Variants in FDPS observed in about 807,000 individuals in gnomAD.
FDPS encodes farnesyl diphosphate synthase.
A neutral mutation model predicts 49.5 loss-of-function variants in FDPS; 29 were observed. The observed-to-expected ratio is 0.59, with a 90% confidence interval of 0.44 to 0.80. The LOEUF is 0.80. FDPS is among the 30% of genes least tolerant of loss of function. FDPS has a pLI of 0.00. For missense variants in FDPS, 414 were observed against 525.6 expected (o/e 0.79, Z 2.08); for synonymous variants, 172 against 206.4 (o/e 0.83, Z 1.43).
At position 155,318,794 on chromosome 1, in the gene FDPS, G is replaced by T; in HGVS notation, c.773+41G>T. On this transcript the variant is annotated intron_variant, in intron 7 of 10. Transcript: ENST00000368356. The surrounding 1 kb of genome is among the most constrained non-coding windows in gnomAD (Gnocchi z 4.2). ...GGACAGCGCGAACCATGTCTGGACA[G>T]CGAGGGAGGGCTCAGGATGTGCATT... The T allele has an allele frequency of 6.3e-7, 1 of 1,588,432 alleles. No individual in the cohort carries two copies. The highest frequency in any genetic ancestry group is 8.6e-7 in the Non-Finnish European group (1 of 1,156,746).
chr1:155,320,322 C>A, intron 10 of FDPS, 87 bp from the exon 11 acceptor site: 1 of 1,121,786 alleles, frequency 8.9e-7, no homozygotes, highest in Non-Finnish European at 1.3e-6. Context: ...TGGAGATGTT[C>A]TGGAATATGT....
chr1:155,312,521 C>A (rs999640276), intron 4 of FDPS, 126 bp downstream of exon 4: 1 of 1,057,574 alleles, frequency 9.5e-7, no homozygotes, highest in Non-Finnish European at 1.4e-6. Context: ...TAGTGTGCTA[C>A]GGCCAAATTT....
Position 155,318,846 on chromosome 1 carries a change from C to A in FDPS, c.774-10C>A. ...CCCTCCTGAGGAGTTTCTCTTCTCC[C>A]CTTACTCAGGTACAAATCTATTGTC... On this transcript the variant is annotated splice_polypyrimidine_tract_variant and intron_variant, in intron 7 of 10. Transcript: ENST00000368356. The surrounding 1 kb of genome is among the most constrained non-coding windows in gnomAD (Gnocchi z 4.2). 1 of 1,610,542 alleles carries A rather than the reference C, an allele frequency of 6.2e-7. No individual in the cohort carries two copies. The highest frequency in any genetic ancestry group is 1.1e-5 in the South Asian group (1 of 90,992).
At position 155,310,061 on chromosome 1, in the gene FDPS, C is replaced by A; in HGVS notation, c.195C>A (p.Leu65=). The change falls in exon 3 of 11, where the codon CTC becomes CTA. Residue 65 remains leucine (L), a synonymous_variant. Coordinates refer to ENST00000368356, the MANE Select transcript of FDPS (RefSeq NM_002004.4). ...TACTTAGAGCCCTTTGCTCCTCCCT[C>A]AGAATGAACGGAGACCAGAATTCAG... The part of the protein sequence containing the change: ...TEEPRALCSS[L]RMNGDQNSDV... 6.2e-7 allele frequency: 1 copy of A among 1,613,732 alleles called. No individual in the cohort carries two copies. Among genetic ancestry groups the A allele is most frequent in the East Asian group, 2.2e-5 (1 of 44,894 alleles).
intron 4 of FDPS, among the ~76,000 whole-genome samples, chr1:155,314,559 C>T (rs527443003): frequency 5.9e-5 from 9 of 151,986 alleles, no homozygotes; most frequent in African/African-American, 2.2e-4. Flanking sequence ...ACTGTAGCCT[C>T]GACCTCCTGG....
At chr1:155,320,023 G>A in intron 10 of FDPS, 95 bp downstream of exon 10, 1 of 1,420,786 alleles carries the variant, frequency 7.0e-7, no homozygotes, top group Non-Finnish European at 9.7e-7. Context: ...GGGGACATTT[G>A]GCAATGTCAG....
At chr1:155,312,634 A>C in intron 4 of FDPS, 1 of 459,002 alleles carries the variant, frequency 2.2e-6, no homozygotes, top group Admixed American at 3.4e-5. Flanking sequence ...TGGGGCCTCG[A>C]GACTGGGCAG....
intron 4 of FDPS, among the ~76,000 whole-genome samples, chr1:155,316,434 A>T (rs539051302): frequency 1.3e-5 from 2 of 152,310 alleles, no homozygotes; most frequent in African/African-American, 4.8e-5. Context: ...CTTGGGCAAC[A>T]TGACAAGACC....
rs771904341 is a variant in FDPS, at chr1:155,309,894, G to A, written c.105G>A (p.Leu35=). 1.0e-5 allele frequency: 16 copies of A among 1,595,554 alleles called. No individual in the cohort carries two copies. Among genetic ancestry groups the A allele is most frequent in the African/African-American group, 2.7e-5 (2 of 74,648 alleles). ...TGGGTTCCCTACGGCGGCCCTCCCT[G>A]GTGCACGGGTACCCAGTCCTGGCCT... ...RWLGSLRRPS[L]VHGYPVLAWH... is the part of the protein sequence containing the mutation. Residue 35 remains leucine (L), a synonymous_variant, in exon 2 of 11, where the codon CTG becomes CTA. Transcript: ENST00000368356.
intron 1 of FDPS, chr1:155,309,515 T>C (rs1484082139): frequency 2.7e-6 from 1 of 370,208 alleles, no homozygotes; most frequent in Non-Finnish European, 4.9e-6. Flanking sequence ...CTGTACCGCC[T>C]CCTTACCCAG....
In FDPS at chr1:155,320,470, T is replaced by G. The variant is rs61740152; in HGVS notation, c.1121T>G (p.Leu374Arg). The G allele has an allele frequency of 2.5e-6, 4 of 1,613,774 alleles. No individual in the cohort carries two copies. The highest frequency in any genetic ancestry group is 1.3e-5 in the African/African-American group (1 of 74,904). ...CGGGTGAAGGCGCTATATGAGGAGC[T>G]GGATCTGCCAGCAGTGTTCTTGCAA... Reference protein sequence around the residue: ...VARVKALYEELDLPAVFLQYE... With the variant: ...VARVKALYEERDLPAVFLQYE... Residue 374 changes from leucine to arginine, a missense_variant, in exon 11 of 11, where the codon CTG becomes CGG. Physicochemically the swap from Leu to Arg is moderately radical, Grantham distance 102 (BLOSUM62 -2). Transcript: ENST00000368356.
At chr1:155,310,715 G>A (rs1572077346) in intron 3 of FDPS, among the ~76,000 whole-genome samples, 1 of 152,206 alleles carries the variant, frequency 6.6e-6, no homozygotes, top group South Asian at 2.1e-4. Context: ...CTGATGGAAG[G>A]TGGGTCATCC....
At chr1:155,315,052 C>T (rs1176210527) in intron 4 of FDPS, among the ~76,000 whole-genome samples, 1 of 152,190 alleles carries the variant, frequency 6.6e-6, no homozygotes, top group Non-Finnish European at 1.5e-5. Context: ...GACCTCCACA[C>T]TACTCTTCTG....
At chr1:155,312,211 C>A in intron 3 of FDPS, 44 bp from the exon 4 acceptor site, 1 of 1,607,084 alleles carries the variant, frequency 6.2e-7, no homozygotes, top group Non-Finnish European at 8.5e-7. Context: ...ACAGTAGCTG[C>A]TGTATGGACC....
At chr1:155,316,685 G>A (rs964173832) in intron 4 of FDPS, among the ~76,000 whole-genome samples, 1 of 152,046 alleles carries the variant, frequency 6.6e-6, no homozygotes, top group African/African-American at 2.4e-5. Context: ...CAGCTACTTG[G>A]GAGGCTGAGG....
intron 10 of FDPS, 119 bp downstream of exon 10, chr1:155,320,047 C>A: frequency 8.1e-7 from 1 of 1,227,610 alleles, no homozygotes; most frequent in Non-Finnish European, 1.2e-6. Context: ...ACATTTTTTG[C>A]CATTGTCATT....
Position 155,319,759 on chromosome 1 carries a change from C to T in FDPS, c.925-35C>T. The T allele has an allele frequency of 1.9e-6, 3 of 1,614,090 alleles. No individual in the cohort carries two copies. The South Asian group carries it at 3.3e-5, about 18-fold the overall frequency. On this transcript the variant is annotated intron_variant, in intron 9 of 10. Coordinates refer to ENST00000368356, the MANE Select transcript of FDPS (RefSeq NM_002004.4). ...TCCTCCTCTGCCCAGGAACCTCATC[C>T]TTCCTCTTTTGCTGCCCTCCCCCTC...
In FDPS at chr1:155,312,347, T is replaced by A; in HGVS notation, c.432T>A (p.Asp144Glu). The A allele has an allele frequency of 6.2e-7, 1 of 1,614,094 alleles. No homozygotes were observed. The highest frequency in any genetic ancestry group is 1.1e-5 in the South Asian group (1 of 91,072). Reference protein sequence around the residue: ...FRELVEPRKQDADSLQRAWTV... With the variant: ...FRELVEPRKQEADSLQRAWTV... ...AGCTGGTGGAGCCAAGGAAACAGGATGCTGATAGTCTCCAGCGGGCCTGGA... is the reference window on the plus strand; with the variant it reads ...AGCTGGTGGAGCCAAGGAAACAGGAAGCTGATAGTCTCCAGCGGGCCTGGA... The change falls in exon 4 of 11, where the codon GAT (aspartate) becomes GAA (glutamate). Residue 144 changes from aspartate (D) to glutamate (E), a missense_variant. Asp to Glu is a conservative substitution (Grantham distance 45, BLOSUM62 2). Coordinates refer to ENST00000368356, the MANE Select transcript of FDPS (RefSeq NM_002004.4).
rs769441694 is a variant in FDPS, at chr1:155,318,229, C to A, written c.622C>A (p.Leu208Met). ...CCTCCTGGAAGCATGTATCTACCGCCTGCTGAAGCTCTATTGCCGGGAGCA... is the reference window on the plus strand; with the variant it reads ...CCTCCTGGAAGCATGTATCTACCGCATGCTGAAGCTCTATTGCCGGGAGCA... ...ANLLEACIYRLLKLYCREQPY... is the reference protein window; with the variant it reads ...ANLLEACIYRMLKLYCREQPY... Residue 208 changes from leucine to methionine, a missense_variant, in exon 6 of 11, where the codon CTG (leucine) becomes ATG (methionine). Transcript: ENST00000368356. This position sits in a 1 kb window ranked among gnomAD's most constrained non-coding sequence, Gnocchi z 4.2. The A allele has an allele frequency of 3.7e-6, 6 of 1,614,094 alleles. No individual in the cohort carries two copies. Among genetic ancestry groups the A allele is most frequent in the Non-Finnish European group, 4.2e-6 (5 of 1,180,040 alleles).
Sources: allele counts gnomAD v4.1 joint callset (sites outside exome capture counted in the v4.1 genomes callset), GRCh38; gene constraint gnomAD v4.1.1; non-coding constraint Gnocchi (gnomAD v3.1); transcripts MANE v1.5; gene names NCBI Gene and HGNC (gene_info 2026-07-23, HGNC 2026-07-21).